The following SZT2 variants were observed in gnomAD, a reference collection of about 807,000 sequenced individuals.
SZT2 encodes KICSTOR complex protein SZT2.
Under a neutral mutation model 404.2 loss-of-function variants are expected in SZT2, and 216 were observed. That is an observed-to-expected ratio of 0.53 (90% CI 0.48 to 0.60). The LOEUF is 0.60. Ranked by LOEUF, SZT2 falls within the 20% of genes least tolerant of loss-of-function variation. SZT2 has a pLI of 0.00. For synonymous variants in SZT2, 1,693 were observed against 1,749.9 expected (o/e 0.97, Z 0.81); for missense variants, 3,857 against 4,459.2 (o/e 0.86, Z 3.85).
Position 43,420,858 on chromosome 1 carries a change from A to G in SZT2, c.1371A>G (p.Thr457=). 5 of 1,598,426 alleles carry G rather than the reference A, an allele frequency of 3.1e-6. No individual in the cohort carries two copies. Among genetic ancestry groups the G allele is most frequent in the South Asian group, 1.1e-5 (1 of 91,084 alleles). ...TGGAGCCTGAGGGCCCTCGAGTAAC[A>G]CGGGTGGAAGTGACGATGGAAGGCG... ...WPLEPEGPRV[T]RVEVTMEGGY... is the part of the protein sequence containing the mutation. Residue 457 remains threonine (T), a synonymous_variant, in exon 10 of 72, where the codon ACA becomes ACG. Coordinates refer to ENST00000634258, the MANE Select transcript of SZT2 (RefSeq NM_001365999.1). The surrounding 1 kb of genome is among the most constrained non-coding windows in gnomAD (Gnocchi z 5.1).
At chr1:43,421,566 C>A (rs973632321) in intron 11 of SZT2, among the ~76,000 whole-genome samples, 3 of 152,200 alleles carry the variant, frequency 2.0e-5, no homozygotes, top group Non-Finnish European at 4.4e-5. Context: ...TATCCCAGTC[C>A]CAGCAGACCG....
At position 43,425,983 on chromosome 1, in the gene SZT2, G is replaced by A. The variant is rs1161705741; in HGVS notation, c.2929+34G>A. 3 of 1,612,176 alleles carry A rather than the reference G, an allele frequency of 1.9e-6. No individual in the cohort carries two copies. The African/African-American group carries it at 4.0e-5, about 22-fold the overall frequency. ...GGCAGGCGGCCCACTGGTGGAGCAG[G>A]GGAGTGGGTAGGGTAATCTGCGTCT... On this transcript the variant is annotated intron_variant, in intron 20 of 71. Coordinates refer to ENST00000634258, the MANE Select transcript of SZT2 (RefSeq NM_001365999.1). This position sits in a 1 kb window ranked among gnomAD's most constrained non-coding sequence, Gnocchi z 4.3.
chr1:43,404,707 C>A, intron 4 of SZT2, 157 bp downstream of exon 4: 1 of 708,576 alleles, frequency 1.4e-6, no homozygotes, highest in East Asian at 2.8e-5. Flanking sequence ...TCTCTCTCTC[C>A]TTGAGAAGAA....
chr1:43,395,303 G>A (rs925521692), intron 1 of SZT2, among the ~76,000 whole-genome samples: 11 of 152,100 alleles, frequency 7.2e-5, no homozygotes, highest in African/African-American at 2.7e-4. Context: ...GGAGGAGGGG[G>A]AGGTCAGGGA....
At chr1:43,398,894 A>C (rs1212378718) in intron 1 of SZT2, among the ~76,000 whole-genome samples, 1 of 152,136 alleles carries the variant, frequency 6.6e-6, no homozygotes, top group African/African-American at 2.4e-5. Flanking sequence ...AGCCTGGCCA[A>C]TATGGTGAAC....
chr1:43,447,146 T>C lies in SZT2; in HGVS notation c.9264T>C (p.Phe3088=), dbSNP rs200613444. 6.2e-7 allele frequency: 1 copy of C among 1,612,982 alleles called. No homozygotes were observed. Among genetic ancestry groups the C allele is most frequent in the African/African-American group, 1.3e-5 (1 of 75,026 alleles). ...CCCACCACCCTGACGGACCCCACTT[T>C]GGCCGCAATCACATTTACCAAGGTC... ...FLAHHPDGPH[F]GRNHIYQGTL... The change falls in exon 66 of 72, where the codon TTT becomes TTC. Residue 3088 remains phenylalanine (F), a synonymous_variant. Coordinates refer to ENST00000634258, the MANE Select transcript of SZT2 (RefSeq NM_001365999.1).
chr1:43,423,796 G>C (rs1430803856), intron 15 of SZT2, among the ~76,000 whole-genome samples: 1 of 149,710 alleles, frequency 6.7e-6, no homozygotes, highest in Non-Finnish European at 1.5e-5. Context: ...GTGTGACTTA[G>C]GGGGGTATGA....
intron 1 of SZT2, among the ~76,000 whole-genome samples, chr1:43,398,460 T>C (rs1202273884): frequency 2.0e-5 from 3 of 152,172 alleles, no homozygotes; most frequent in African/African-American, 7.2e-5. Flanking sequence ...AACAAAAAAA[T>C]TCTTTTTTAA....
Position 43,453,697 on chromosome 1 carries a change from C to T in SZT2, c.*3217C>T, listed in dbSNP as rs775021587. ...TACGGCCAGGCCACCTCGACGGCCT[C>T]GAAGCCCGAGCTGCCCGCGGCCCGC... On this transcript the variant is annotated 3_prime_UTR_variant, in exon 72 of 72. Transcript: ENST00000634258. 5.6e-6 allele frequency: 8 copies of T among 1,437,294 alleles called. No homozygotes were observed. Among genetic ancestry groups the T allele is most frequent in the African/African-American group, 4.5e-5 (3 of 66,644 alleles). The allele number at this position is 1,437,294 out of a possible 1,614,324, so 89.0% of individuals were successfully genotyped here. A position where few individuals can be genotyped will look rare whatever the true frequency, so the allele number is the denominator to read the frequency against.
chr1:43,448,665 C>T lies in SZT2; in HGVS notation c.10023C>T (p.Leu3341=), dbSNP rs748755280. 2.5e-6 allele frequency: 4 copies of T among 1,614,086 alleles called. No homozygotes were observed. Among genetic ancestry groups the T allele is most frequent in the Non-Finnish European group, 2.5e-6 (3 of 1,180,040 alleles). The change falls in exon 70 of 72, where the codon CTC becomes CTT. Residue 3341 remains leucine, a synonymous_variant. Transcript: ENST00000634258. This position sits in a 1 kb window ranked among gnomAD's most constrained non-coding sequence, Gnocchi z 4.2. ...GGTACCAGAGCCTGATCAAAGTTCTCCTAAGCCGCTTCCCCCAGAGCTGTC... is the reference window on the plus strand; with the variant it reads ...GGTACCAGAGCCTGATCAAAGTTCTTCTAAGCCGCTTCCCCCAGAGCTGTC... ...VSWYQSLIKV[L]LSRFPQSCRH...
At chr1:43,407,319 T>C (rs964099407) in intron 4 of SZT2, among the ~76,000 whole-genome samples, 9 of 151,968 alleles carry the variant, frequency 5.9e-5, no homozygotes, top group African/African-American at 2.2e-4. Flanking sequence ...GCCTGGCCAA[T>C]GTGGCAAAAC....
In SZT2 at chr1:43,433,079, G is replaced by A. The variant is rs141831056; in HGVS notation, c.5693G>A (p.Gly1898Glu). The A allele has an allele frequency of 3.1e-6, 5 of 1,614,122 alleles. No homozygotes were observed. In the African/African-American group the frequency reaches 5.3e-5, roughly 17 times the overall value. Residue 1898 changes from glycine (G) to glutamate (E), a missense_variant, in exon 40 of 72, where the codon GGG becomes GAG. By Grantham distance (98) the Gly-to-Glu change is moderately conservative. This residue lies in a region of SZT2 where 1,725 missense variants were observed against 1,881.0 expected (regional missense o/e 0.92). Transcript: ENST00000634258. Reference sequence around the variant, plus strand: ...CCCTTCACATTGCGGACTCCACCTGGGCCAGCACCTCCACAGCCTTCACTC... The same window carrying A: ...CCCTTCACATTGCGGACTCCACCTGAGCCAGCACCTCCACAGCCTTCACTC... ...KAPFTLRTPPGPAPPQPSLSG... is the reference protein window; with the variant it reads ...KAPFTLRTPPEPAPPQPSLSG...
chr1:43,452,912 C>G lies in SZT2; in HGVS notation c.*2432C>G, dbSNP rs760100591. ...CCAACAGGCTACATACATGTCCAGC[C>G]TCAGGAACGCTGCCAAATACACCAG... On this transcript the variant is annotated 3_prime_UTR_variant, in exon 72 of 72. Transcript: ENST00000634258. 1 of 1,603,814 alleles carries G rather than the reference C, an allele frequency of 6.2e-7. No individual in the cohort carries two copies. Among genetic ancestry groups the G allele is most frequent in the Non-Finnish European group, 8.5e-7 (1 of 1,175,974 alleles).
Position 43,425,929 on chromosome 1 carries a change from C to A in SZT2, c.2909C>A (p.Pro970Gln). 1 of 1,614,106 alleles carries A rather than the reference C, an allele frequency of 6.2e-7. No homozygotes were observed. Among genetic ancestry groups the A allele is most frequent in the Non-Finnish European group, 8.5e-7 (1 of 1,179,998 alleles). The change falls in exon 20 of 72, where the codon CCA (proline) becomes CAA (glutamine). Residue 970 changes from proline to glutamine, a missense_variant. Coordinates refer to ENST00000634258, the MANE Select transcript of SZT2 (RefSeq NM_001365999.1). The surrounding 1 kb of genome is among the most constrained non-coding windows in gnomAD (Gnocchi z 4.3). Reference sequence around the variant, plus strand: ...AGCAAGGAATGGGGTCCTCTGCCCCCAGAGCCGAGGGTCTCTGATGGTGAG... The same window carrying A: ...AGCAAGGAATGGGGTCCTCTGCCCCAAGAGCCGAGGGTCTCTGATGGTGAG... The part of the protein sequence containing the change: ...CQSKEWGPLP[P>Q]EPRVSDGLDQ...
intron 7 of SZT2, among the ~76,000 whole-genome samples, chr1:43,417,768 C>T (rs888764097): frequency 6.6e-5 from 10 of 152,106 alleles, no homozygotes; most frequent in African/African-American, 2.2e-4. Flanking sequence ...ACAAACACTG[C>T]TTGAGAGGTA....
In SZT2 at chr1:43,430,398, G is replaced by A; in HGVS notation, c.4480+9G>A. 6.2e-7 allele frequency: 1 copy of A among 1,606,846 alleles called. No homozygotes were observed. The highest frequency in any genetic ancestry group is 8.5e-7 in the Non-Finnish European group (1 of 1,176,240). ...GCTTATGGGAGAAGAAGGTATGTGGGCAAGTGAGTCAAGGTGGGGAAGGCT... is the reference window on the plus strand; with the variant it reads ...GCTTATGGGAGAAGAAGGTATGTGGACAAGTGAGTCAAGGTGGGGAAGGCT... On this transcript the variant is annotated intron_variant, in intron 31 of 71. Coordinates refer to ENST00000634258, the MANE Select transcript of SZT2 (RefSeq NM_001365999.1).
chr1:43,399,102 A>G (rs1227958954), intron 1 of SZT2, among the ~76,000 whole-genome samples: 2 of 152,008 alleles, frequency 1.3e-5, no homozygotes, highest in Non-Finnish European at 2.9e-5. Flanking sequence ...GAAAAAAATC[A>G]TTTTGCAGCG....
At chr1:43,422,919 C>T in intron 14 of SZT2, 36 bp downstream of exon 14, 1 of 1,545,224 alleles carries the variant, frequency 6.5e-7, no homozygotes, top group Non-Finnish European at 8.7e-7. Flanking sequence ...ACCAAGGAGC[C>T]CTAGGGTGTA....
intron 1 of SZT2, among the ~76,000 whole-genome samples, chr1:43,400,895 A>G (rs1320863331): frequency 1.3e-5 from 2 of 151,812 alleles, no homozygotes; most frequent in Admixed American, 6.6e-5. Context: ...AGAACCTAGT[A>G]TAGTGTTGTA....
Sources: allele counts gnomAD v4.1 joint callset (sites outside exome capture counted in the v4.1 genomes callset), GRCh38; gene constraint gnomAD v4.1.1; regional missense constraint gnomAD v4.1.1; non-coding constraint Gnocchi (gnomAD v3.1); transcripts MANE v1.5; gene names NCBI Gene and HGNC (gene_info 2026-07-23, HGNC 2026-07-21).